Variants in GSN observed in about 807,000 individuals in gnomAD.
The protein encoded by GSN is actin-depolymerizing factor.
GSN carries 56 observed loss-of-function variants against 85.7 expected under a neutral mutation model. That is an observed-to-expected ratio of 0.65 (90% confidence interval 0.53 to 0.82). GSN has a LOEUF of 0.82. Ranked by LOEUF, GSN falls within the 40% of genes least tolerant of loss-of-function variation. GSN has a pLI of 0.00. For synonymous variants in GSN, 373 were observed against 399.1 expected (o/e 0.93, Z 0.78); for missense variants, 857 against 979.8 (o/e 0.87, Z 1.67).
intron 17 of GSN, chr9:121,331,721 T>G: frequency 2.6e-6 from 1 of 383,730 alleles, no homozygotes; most frequent in Non-Finnish European, 4.8e-6. Flanking sequence ...CACTTCAAGT[T>G]CCCAGAATAC....
At chr9:121,260,259 C>G (rs2055053896) in intron 6 of GSN, among the ~76,000 whole-genome samples, 1 of 152,200 alleles carries the variant, frequency 6.6e-6, no homozygotes, top group African/African-American at 2.4e-5. Context: ...CTCGCTGGGA[C>G]TGCCTCAGCC....
chr9:121,224,770 G>T (rs1554774497), intron 4 of GSN, among the ~76,000 whole-genome samples: 1 of 147,024 alleles, frequency 6.8e-6, no homozygotes, highest in African/African-American at 2.5e-5. Flanking sequence ...AAAGAAAACT[G>T]AATTTGTATG....
At chr9:121,311,552 C>A (rs1031762230) in intron 5 of GSN, 10 of 153,570 alleles carry the variant, frequency 6.5e-5, no homozygotes, top group African/African-American at 2.2e-4. Context: ...AACACACTCA[C>A]GTAACACTGG....
intron 12 of GSN, among the ~76,000 whole-genome samples, chr9:121,325,086 C>T (rs188570036): frequency 6.6e-6 from 1 of 152,238 alleles, no homozygotes; most frequent in African/African-American, 2.4e-5. Context: ...CTTAGCCTCT[C>T]TGTGCCTCTG....
chr9:121,217,894 C>T (rs928568006), intron 4 of GSN, among the ~76,000 whole-genome samples: 1 of 151,242 alleles, frequency 6.6e-6, no homozygotes, highest in Admixed American at 6.6e-5. Context: ...ACCGTTAATA[C>T]TGCTACCAGG....
In GSN at chr9:121,302,206, T is replaced by C. The variant is rs776734536; in HGVS notation, c.196+39T>C. ...TGCCCAGCCCCTGCCCCAGCCCCCA[T>C]TCTGAACAGTGCAGACCTTTGGGGC... On this transcript the variant is annotated intron_variant, in intron 3 of 17. Transcript: ENST00000432226. 18 of 1,608,060 alleles carry C rather than the reference T, an allele frequency of 1.1e-5. No homozygotes were observed. The South Asian group carries it at 2.0e-4, about 18-fold the overall frequency.
intron 6 of GSN, among the ~76,000 whole-genome samples, chr9:121,253,671 G>T (rs1000736693): frequency 6.6e-6 from 1 of 152,232 alleles, no homozygotes; most frequent in Non-Finnish European, 1.5e-5. Flanking sequence ...AACAAAGTGT[G>T]TAGATGAATT....
intron 17 of GSN, chr9:121,331,724 C>G (rs1233693710): frequency 2.6e-6 from 1 of 377,798 alleles, no homozygotes; most frequent in East Asian, 4.4e-5. Context: ...TTCAAGTTCC[C>G]AGAATACTCA....
chr9:121,291,496 G>A (rs1007234324), intron 2 of GSN, among the ~76,000 whole-genome samples: 10 of 143,914 alleles, frequency 6.9e-5, no homozygotes, highest in Non-Finnish European at 1.3e-4. Flanking sequence ...TCGGCTCACC[G>A]CAACCTCCAT....
At chr9:121,249,360 C>G (rs1364168778) in intron 6 of GSN, among the ~76,000 whole-genome samples, 1 of 152,032 alleles carries the variant, frequency 6.6e-6, no homozygotes, top group African/African-American at 2.4e-5. Context: ...GCCTGTGGTC[C>G]AAGCTACTTG....
intron 1 of GSN, among the ~76,000 whole-genome samples, chr9:121,278,645 G>A (rs1588645002): frequency 6.6e-6 from 1 of 152,332 alleles, no homozygotes; most frequent in East Asian, 1.9e-4. Context: ...CGTAGTGAGA[G>A]CCCCAGGCTG....
At position 121,318,687 on chromosome 9, in the gene GSN, G is replaced by T. The variant is rs1014328091; in HGVS notation, c.998G>T (p.Gly333Val). ...CAGGTCTCGGTCCTTCCTGAGGGCG[G>T]TGAGACCCCACTGTTCAAGCAGTTC... Reference protein sequence around the residue: ...QTQVSVLPEGGETPLFKQFFK... With the variant: ...QTQVSVLPEGVETPLFKQFFK... Residue 333 changes from glycine to valine, a missense_variant, in exon 10 of 18, where the codon GGT (glycine) becomes GTT (valine). Gly to Val is a moderately radical substitution (Grantham distance 109, BLOSUM62 -3). Transcript: ENST00000432226. This position sits in a 1 kb window ranked among gnomAD's most constrained non-coding sequence, Gnocchi z 4.3. The T allele has an allele frequency of 1.2e-6, 2 of 1,613,514 alleles. No homozygotes were observed. The highest frequency in any genetic ancestry group is 1.7e-6 in the Non-Finnish European group (2 of 1,179,374).
chr9:121,286,373 A>G (rs2058075429), intron 2 of GSN, among the ~76,000 whole-genome samples: 1 of 151,914 alleles, frequency 6.6e-6, no homozygotes, highest in African/African-American at 2.4e-5. Context: ...TCAGGCCAGG[A>G]CTCCGTAGCA....
intron 4 of GSN, among the ~76,000 whole-genome samples, chr9:121,217,029 T>A (rs2054076438): frequency 6.6e-6 from 1 of 152,216 alleles, no homozygotes; most frequent in Admixed American, 6.5e-5. Context: ...TTTAGATTTT[T>A]AAAGTATTTT....
intron 4 of GSN, among the ~76,000 whole-genome samples, chr9:121,224,396 G>T (rs893709829): frequency 5.9e-5 from 9 of 152,180 alleles, no homozygotes; most frequent in African/African-American, 2.2e-4. Context: ...ACCGCGCCCG[G>T]TCTATACATT....
intron 5 of GSN, among the ~76,000 whole-genome samples, chr9:121,246,604 A>G (rs1341170604): frequency 2.3e-4 from 35 of 152,196 alleles, no homozygotes; most frequent in Non-Finnish European, 8.8e-5. Flanking sequence ...AGTGCCACCA[A>G]GACTCATGAA....
At chr9:121,225,737 C>G (rs1339555500) in intron 4 of GSN, among the ~76,000 whole-genome samples, 1 of 152,206 alleles carries the variant, frequency 6.6e-6, no homozygotes, top group Non-Finnish European at 1.5e-5. Flanking sequence ...AGACCTGCAT[C>G]TCCGAATGTT....
rs768124486 is a variant in GSN, at chr9:121,326,590, G to A, written c.1495G>A (p.Gly499Ser). 4 of 1,613,006 alleles carry A rather than the reference G, an allele frequency of 2.5e-6. No individual in the cohort carries two copies. Among genetic ancestry groups the A allele is most frequent in the East Asian group, 4.5e-5 (2 of 44,856 alleles). ...GGKPMIIYKGGTSREGGQTAP... is the reference protein window; with the variant it reads ...GGKPMIIYKGSTSREGGQTAP... ...GAAGCCCATGATCATCTACAAGGGC[G>A]GCACCTCCCGCGAGGGCGGGCAGAC... The change falls in exon 13 of 18, where the codon GGC (glycine) becomes AGC (serine). Residue 499 changes from glycine to serine, a missense_variant. Physicochemically the swap from Gly to Ser is moderately conservative, Grantham distance 56 (BLOSUM62 0). Coordinates refer to ENST00000432226, the MANE Select transcript of GSN (RefSeq NM_198252.3).
chr9:121,314,728 C>A (rs950813253), intron 7 of GSN, among the ~76,000 whole-genome samples: 2 of 152,040 alleles, frequency 1.3e-5, no homozygotes, highest in Non-Finnish European at 2.9e-5. Context: ...GTTTAAAAAA[C>A]CAGTATTACT....
Sources: allele counts gnomAD v4.1 joint callset (sites outside exome capture counted in the v4.1 genomes callset), GRCh38; gene constraint gnomAD v4.1.1; non-coding constraint Gnocchi (gnomAD v3.1); transcripts MANE v1.5; gene names NCBI Gene and HGNC (gene_info 2026-07-23, HGNC 2026-07-21).